The following ARHGAP22 variants were observed in gnomAD, a reference collection of about 807,000 sequenced individuals.
ARHGAP22 encodes the protein Rho GTPase activating protein 22, also known as rho GTPase-activating protein 22.
ARHGAP22 carries 48 observed loss-of-function variants against 59.1 expected under a neutral mutation model. The observed-to-expected ratio is 0.81, with a 90% CI of 0.64 to 1.03. The LOEUF (loss-of-function observed/expected upper bound fraction) is 1.03, where lower values mean the gene tolerates loss of function less well. Ranked by LOEUF, ARHGAP22 falls within the 50% of genes least tolerant of loss-of-function variation. The pLI is 0.00. For missense variants in ARHGAP22, 1,015 were observed against 958.7 expected, an observed-to-expected ratio of 1.06 and a Z score of -0.78; for synonymous variants, 445 against 416.4, an observed-to-expected ratio of 1.07 and a Z score of -0.84.
chr10:48,507,737 G>A (rs74130296), intron 3 of ARHGAP22, among the ~76,000 whole-genome samples: 66 of 152,218 alleles, frequency 4.3e-4, no homozygotes, highest in African/African-American at 1.5e-3. Context: ...AGTCAATCCC[G>A]AATTTGCTCA....
intron 1 of ARHGAP22, among the ~76,000 whole-genome samples, chr10:48,643,346 AC>A (rs2062137327): frequency 6.6e-6 from 1 of 152,154 alleles, no homozygotes; most frequent in African/African-American, 2.4e-5. Flanking sequence ...AAGACTTGGA[AC>A]CAACCCAAAT....
chr10:48,551,547 C>A (rs527559283), intron 3 of ARHGAP22, among the ~76,000 whole-genome samples: 1 of 152,346 alleles, frequency 6.6e-6, no homozygotes, highest in East Asian at 1.9e-4. Context: ...TCTCAGCCTC[C>A]CTTAAACTTT....
At chr10:48,641,227 A>G (rs1245709687) in intron 1 of ARHGAP22, among the ~76,000 whole-genome samples, 3 of 152,198 alleles carry the variant, frequency 2.0e-5, no homozygotes, top group Non-Finnish European at 4.4e-5. Flanking sequence ...TAAAATGGCA[A>G]ATGTAAATTC....
At chr10:48,439,304 T>C in the ARHGAP22 span, 2 of 149,342 alleles carry the variant, frequency 1.3e-5, no homozygotes, top group Admixed American at 1.3e-4. Context: ...ATCTAGTATG[T>C]CAATTGGTTA....
chr10:48,615,458 C>A (rs1056885865), intron 1 of ARHGAP22, among the ~76,000 whole-genome samples: 2 of 152,128 alleles, frequency 1.3e-5, no homozygotes, highest in Non-Finnish European at 2.9e-5. Context: ...TGACAAGCAG[C>A]AACAACAGAT....
chr10:48,526,308 AGCAGG>A (rs923714432), intron 3 of ARHGAP22, among the ~76,000 whole-genome samples: 1 of 152,184 alleles, frequency 6.6e-6, no homozygotes, highest in African/African-American at 2.4e-5. Flanking sequence ...GATTAACAAG[AGCAGG>A]GCAGATTTCT....
intron 5 of ARHGAP22, among the ~76,000 whole-genome samples, chr10:48,457,884 C>A (rs1327387536): frequency 6.7e-6 from 1 of 149,810 alleles, no homozygotes; most frequent in African/African-American, 2.5e-5. Flanking sequence ...CATCCCGGGA[C>A]CCTCTGTTGG....
At chr10:48,517,767 T>C (rs774142412) in intron 3 of ARHGAP22, among the ~76,000 whole-genome samples, 2 of 152,210 alleles carry the variant, frequency 1.3e-5, no homozygotes, top group African/African-American at 2.4e-5. Context: ...CGTGTCCTGT[T>C]GCTAGGCACA....
intron 1 of ARHGAP22, among the ~76,000 whole-genome samples, chr10:48,641,561 C>T (rs1325676411): frequency 6.6e-6 from 1 of 152,188 alleles, no homozygotes; most frequent in African/African-American, 2.4e-5. Context: ...ATACTAAAAA[C>T]TCTCAATAAA....
chr10:48,465,261 G>A (rs1306296467), intron 4 of ARHGAP22, among the ~76,000 whole-genome samples: 2 of 152,210 alleles, frequency 1.3e-5, no homozygotes, highest in Non-Finnish European at 2.9e-5. Context: ...AGGGGAAACT[G>A]GCAGAGGCTG....
chr10:48,641,847 C>G (rs1328570480), intron 1 of ARHGAP22, among the ~76,000 whole-genome samples: 1 of 152,180 alleles, frequency 6.6e-6, no homozygotes, highest in Non-Finnish European at 1.5e-5. Flanking sequence ...TAGAAAACCC[C>G]ATTCTCTCAG....
At chr10:48,472,328 A>C (rs989391068) in intron 4 of ARHGAP22, among the ~76,000 whole-genome samples, 73 of 152,226 alleles carry the variant, frequency 4.8e-4, no homozygotes, top group African/African-American at 1.7e-3. Flanking sequence ...GTTCGAGACC[A>C]GCCTGGCCAA....
chr10:48,633,344 T>C (rs940537081), intron 1 of ARHGAP22, among the ~76,000 whole-genome samples: 2 of 152,230 alleles, frequency 1.3e-5, no homozygotes, highest in African/African-American at 4.8e-5. Context: ...GCTCCAAATG[T>C]AGGGTTCCTG....
intron 4 of ARHGAP22, among the ~76,000 whole-genome samples, chr10:48,474,045 T>C (rs1003749655): frequency 6.6e-6 from 1 of 152,238 alleles, no homozygotes; most frequent in Non-Finnish European, 1.5e-5. Flanking sequence ...TTGAGGAGTA[T>C]TGGCCTCTTA....
chr10:48,563,098 C>T (rs974637207), intron 2 of ARHGAP22, among the ~76,000 whole-genome samples: 1 of 152,000 alleles, frequency 6.6e-6, no homozygotes, highest in African/African-American at 2.4e-5. Flanking sequence ...ATCTTCAAAT[C>T]ACTCCGACTC....
intron 3 of ARHGAP22, 133 bp downstream of exon 3, chr10:48,555,330 C>G: frequency 2.5e-6 from 2 of 805,420 alleles, no homozygotes; most frequent in African/African-American, 1.7e-5. Flanking sequence ...ATTTGGCCCA[C>G]ATTTCCGAGT....
At chr10:48,500,536 G>A (rs2051402777) in intron 3 of ARHGAP22, among the ~76,000 whole-genome samples, 1 of 152,036 alleles carries the variant, frequency 6.6e-6, no homozygotes, top group South Asian at 2.1e-4. Context: ...GCCACATGAG[G>A]AAAAATCAAG....
At chr10:48,489,723 G>A (rs1256790394) in intron 3 of ARHGAP22, among the ~76,000 whole-genome samples, 2 of 149,796 alleles carry the variant, frequency 1.3e-5, no homozygotes, top group Non-Finnish European at 3.0e-5. Flanking sequence ...GACTTCTGAG[G>A]CTGCCTCTTT....
At chr10:48,637,174 A>G (rs966314360) in intron 1 of ARHGAP22, among the ~76,000 whole-genome samples, 2 of 152,144 alleles carry the variant, frequency 1.3e-5, no homozygotes, top group African/African-American at 2.4e-5. Context: ...GGGCATCCAT[A>G]TTTCTGAAGC....
Sources: allele counts gnomAD v4.1 joint callset (sites outside exome capture counted in the v4.1 genomes callset), GRCh38; gene constraint gnomAD v4.1.1; transcripts MANE v1.5; gene names NCBI Gene and HGNC (gene_info 2026-07-23, HGNC 2026-07-21).